Variants in LDLRAD3 observed in about 807,000 individuals in gnomAD.
LDLRAD3 encodes the protein low-density lipoprotein receptor class A domain-containing protein 3.
Under a neutral mutation model 29.4 loss-of-function variants are expected in LDLRAD3, and 20 were observed. That is an observed-to-expected ratio of 0.68 (90% CI 0.48 to 0.99). LDLRAD3 has a LOEUF of 0.99. Among genes scored for constraint, LDLRAD3 ranks in the 50% least tolerant of loss-of-function variants. LDLRAD3 has a pLI of 0.00. For synonymous variants in LDLRAD3, 157 were observed against 192.7 expected (o/e 0.81, Z 1.53); for missense variants, 420 against 454.3 (o/e 0.92, Z 0.69).
intron 1 of LDLRAD3, among the ~76,000 whole-genome samples, chr11:36,001,832 G>A (rs184773432): frequency 2.0e-5 from 3 of 151,556 alleles, no homozygotes; most frequent in Admixed American, 2.0e-4. Context: ...TTTATATACA[G>A]CGGACATTTT....
chr11:36,047,039 A>G (rs1355439138), intron 2 of LDLRAD3, among the ~76,000 whole-genome samples: 2 of 150,672 alleles, frequency 1.3e-5, no homozygotes, highest in Admixed American at 6.7e-5. Flanking sequence ...CTGTGCTTTT[A>G]GTAGCCCTGG....
intron 1 of LDLRAD3, among the ~76,000 whole-genome samples, chr11:36,033,464 C>G (rs1025694140): frequency 6.6e-6 from 1 of 152,226 alleles, no homozygotes; most frequent in Non-Finnish European, 1.5e-5. Flanking sequence ...GGAATCTAAT[C>G]TGGCCAATTT....
At chr11:36,018,772 T>A (rs1270545900) in intron 1 of LDLRAD3, among the ~76,000 whole-genome samples, 1 of 152,200 alleles carries the variant, frequency 6.6e-6, no homozygotes, top group Non-Finnish European at 1.5e-5. Context: ...TCTTTTCAAC[T>A]TTTGCCAGTC....
intron 4 of LDLRAD3, among the ~76,000 whole-genome samples, chr11:36,114,963 G>C (rs929990895): frequency 3.3e-5 from 5 of 152,184 alleles, no homozygotes; most frequent in Non-Finnish European, 7.3e-5. Flanking sequence ...TTGATCAGTA[G>C]AGTATGGCAG....
chr11:36,133,570 C>T (rs1244760878), intron 4 of LDLRAD3, among the ~76,000 whole-genome samples: 5 of 117,644 alleles, frequency 4.3e-5, no homozygotes, highest in Non-Finnish European at 5.1e-5. Context: ...TTTTTTGAGA[C>T]GGAGTCTTGC....
In LDLRAD3 at chr11:36,229,963, T is replaced by A. The variant is rs1855554478; in HGVS notation, c.*566T>A. ...GGCCAAAGAAAACTTTGGACGTGAG[T>A]AACACCCTTCAGCAGTCGCAACGTT... On this transcript the variant is annotated 3_prime_UTR_variant, in exon 6 of 6. Coordinates refer to ENST00000315571, the MANE Select transcript of LDLRAD3 (RefSeq NM_174902.4). The A allele has an allele frequency of 2.0e-5, 3 of 152,646 alleles. No individual in the cohort carries two copies. The South Asian group carries it at 6.2e-4, about 32-fold the overall frequency. The allele number at this position is 152,646 out of a possible 1,614,324, so 9.5% of individuals were successfully genotyped here. A position where few individuals can be genotyped will look rare whatever the true frequency, so the allele number is the denominator to read the frequency against.
intron 4 of LDLRAD3, among the ~76,000 whole-genome samples, chr11:36,186,741 G>A (rs1329815070): frequency 6.6e-6 from 1 of 152,192 alleles, no homozygotes; most frequent in Non-Finnish European, 1.5e-5. Context: ...GATCGTGGCT[G>A]AGTGAGCTCA....
chr11:36,230,168 A>C lies in LDLRAD3; in HGVS notation c.*771A>C, dbSNP rs1399824050. 6.6e-6 allele frequency: 1 copy of C among 152,208 alleles called. No individual in the cohort carries two copies. The highest frequency in any genetic ancestry group is 1.5e-5 in the Non-Finnish European group (1 of 68,072). 9.4% of individuals were successfully genotyped at this position (152,208 alleles called of 1,614,324 possible). Reference sequence around the variant, plus strand: ...TCCAAGTTCTCAGCTCCTAAAATGCAGGCTGCCAAGACCCTACACCTGCCC... The same window carrying C: ...TCCAAGTTCTCAGCTCCTAAAATGCCGGCTGCCAAGACCCTACACCTGCCC... On this transcript the variant is annotated 3_prime_UTR_variant, in exon 6 of 6. Coordinates refer to ENST00000315571, the MANE Select transcript of LDLRAD3 (RefSeq NM_174902.4).
intron 2 of LDLRAD3, among the ~76,000 whole-genome samples, chr11:36,068,764 C>T (rs1852840983): frequency 6.6e-6 from 1 of 152,206 alleles, no homozygotes; most frequent in African/African-American, 2.4e-5. Flanking sequence ...GATCCACCCA[C>T]CTCAGCCTCC....
chr11:36,216,375 A>C (rs1039343899), intron 4 of LDLRAD3, among the ~76,000 whole-genome samples: 5 of 152,368 alleles, frequency 3.3e-5, no homozygotes, highest in African/African-American at 1.2e-4. Flanking sequence ...ACATCCTTTC[A>C]TGAAGAGTCA....
At chr11:36,055,500 T>A (rs1852605106) in intron 2 of LDLRAD3, among the ~76,000 whole-genome samples, 2 of 152,214 alleles carry the variant, frequency 1.3e-5, no homozygotes, top group Admixed American at 1.3e-4. Context: ...GCAGCCTCAC[T>A]GGCTTCTCCA....
At chr11:35,994,392 A>G (rs930559389) in intron 1 of LDLRAD3, among the ~76,000 whole-genome samples, 5 of 150,308 alleles carry the variant, frequency 3.3e-5, no homozygotes, top group South Asian at 2.1e-4. Flanking sequence ...ATTGTAGTCT[A>G]TTAAGTGTAC....
intron 4 of LDLRAD3, among the ~76,000 whole-genome samples, chr11:36,209,919 G>C (rs1855261595): frequency 6.6e-6 from 1 of 152,178 alleles, no homozygotes; most frequent in South Asian, 2.1e-4. Context: ...AAAAGAAACT[G>C]AACAAAATAA....
At chr11:36,212,137 A>T (rs2133382278) in intron 4 of LDLRAD3, among the ~76,000 whole-genome samples, 1 of 152,366 alleles carries the variant, frequency 6.6e-6, no homozygotes, top group African/African-American at 2.4e-5. Flanking sequence ...TGTGGCCTGC[A>T]GGAGCAGCCC....
chr11:35,990,723 C>T (rs898427651), intron 1 of LDLRAD3, among the ~76,000 whole-genome samples: 1 of 152,066 alleles, frequency 6.6e-6, no homozygotes, highest in Admixed American at 6.6e-5. Flanking sequence ...GCCTCTGCCT[C>T]CATCTTCACA....
At chr11:35,981,333 C>T (rs913902099) in intron 1 of LDLRAD3, among the ~76,000 whole-genome samples, 21 of 152,046 alleles carry the variant, frequency 1.4e-4, no homozygotes, top group African/African-American at 3.6e-4. Context: ...GTGACCTTGG[C>T]CATGTCACTT....
At chr11:36,169,679 A>G (rs1854566798) in intron 4 of LDLRAD3, among the ~76,000 whole-genome samples, 1 of 152,190 alleles carries the variant, frequency 6.6e-6, no homozygotes, top group Admixed American at 6.5e-5. Context: ...TATACATACC[A>G]CATTTTCTTT....
chr11:35,956,880 C>T (rs749549051), intron 1 of LDLRAD3, among the ~76,000 whole-genome samples: 2 of 151,814 alleles, frequency 1.3e-5, no homozygotes, highest in Non-Finnish European at 2.9e-5. Context: ...GGACTACAGG[C>T]GCCCGCCACT....
chr11:36,079,807 T>C (rs1186996168), intron 2 of LDLRAD3, among the ~76,000 whole-genome samples: 1 of 152,184 alleles, frequency 6.6e-6, no homozygotes, highest in Non-Finnish European at 1.5e-5. Context: ...CTTGGAACAA[T>C]TGTTCTCCCC....
Sources: gnomAD v4.1 joint callset for allele counts (sites outside exome capture counted in the v4.1 genomes callset) on GRCh38, gnomAD v4.1.1 for gene constraint, MANE v1.5 for transcripts, NCBI Gene and HGNC (gene_info 2026-07-23, HGNC 2026-07-21) for gene names.